The following RCAN2 variants were observed in gnomAD, a reference collection of about 807,000 sequenced individuals.
The protein encoded by RCAN2 is regulator of calcineurin 2, also known as calcipressin-2.
RCAN2 carries 9 observed loss-of-function variants against 23.6 expected under a neutral mutation model. The observed-to-expected ratio is 0.38, with a 90% CI of 0.23 to 0.67. The LOEUF (loss-of-function observed/expected upper bound fraction) is 0.67. RCAN2 is among the 30% of genes least tolerant of loss of function. The pLI is 0.51. For missense variants in RCAN2, 273 were observed against 302.3 expected (o/e 0.90, Z 0.72); for synonymous variants, 109 against 115.7 (o/e 0.94, Z 0.37).
intron 2 of RCAN2, among the ~76,000 whole-genome samples, chr6:46,410,052 CT>C (rs1766504767): frequency 6.6e-6 from 1 of 152,140 alleles, no homozygotes; most frequent in Non-Finnish European, 1.5e-5. Flanking sequence ...CACTCTTCTT[CT>C]CCTACCCTTG....
intron 2 of RCAN2, among the ~76,000 whole-genome samples, chr6:46,315,171 G>A (rs2150358851): frequency 6.6e-6 from 1 of 152,328 alleles, no homozygotes; most frequent in South Asian, 2.1e-4. Context: ...CTAGCAGCAT[G>A]TTTTAGGGTT....
chr6:46,394,552 G>T (rs1766033804), intron 2 of RCAN2, among the ~76,000 whole-genome samples: 1 of 152,074 alleles, frequency 6.6e-6, no homozygotes, highest in Admixed American at 6.6e-5. Flanking sequence ...CCTTGACCGA[G>T]ATATTGCTAT....
At chr6:46,364,279 T>A (rs1765101407) in intron 2 of RCAN2, among the ~76,000 whole-genome samples, 1 of 152,198 alleles carries the variant, frequency 6.6e-6, no homozygotes, top group Non-Finnish European at 1.5e-5. Flanking sequence ...ATTTTCAATT[T>A]ACATTCAAAA....
chr6:46,442,638 T>C (rs937272924), intron 2 of RCAN2, among the ~76,000 whole-genome samples: 1 of 152,206 alleles, frequency 6.6e-6, no homozygotes, highest in African/African-American at 2.4e-5. Flanking sequence ...TTTAATATCA[T>C]ACCAGAATAA....
At chr6:46,354,204 A>ACT (rs1491306096) in intron 2 of RCAN2, among the ~76,000 whole-genome samples, 52 of 55,340 alleles carry the variant, frequency 9.4e-4, no homozygotes, top group African/African-American at 3.6e-3. Context: ...GTGTTATTTT[A>ACT]CTGTGTGTGT....
chr6:46,267,635 T>A (rs1407538213), intron 2 of RCAN2, among the ~76,000 whole-genome samples: 1 of 152,138 alleles, frequency 6.6e-6, no homozygotes, highest in African/African-American at 2.4e-5. Context: ...AAATGAACCA[T>A]GATCATGCCA....
At chr6:46,260,288 T>C (rs1483425281) in intron 2 of RCAN2, among the ~76,000 whole-genome samples, 1 of 152,146 alleles carries the variant, frequency 6.6e-6, no homozygotes, top group Admixed American at 6.5e-5. Flanking sequence ...ATATATTTCT[T>C]ATTATATTCA....
intron 2 of RCAN2, among the ~76,000 whole-genome samples, chr6:46,368,356 C>T (rs1765231041): frequency 1.3e-5 from 2 of 152,176 alleles, no homozygotes; most frequent in Admixed American, 1.3e-4. Flanking sequence ...ACTCTGGATG[C>T]TGAGCTTTCA....
chr6:46,416,607 C>G (rs1766720754), intron 2 of RCAN2, among the ~76,000 whole-genome samples: 1 of 151,724 alleles, frequency 6.6e-6, no homozygotes, highest in Non-Finnish European at 1.5e-5. Context: ...CTCAACCTCC[C>G]AGGCTCAAGC....
chr6:46,332,065 T>A (rs1763992281), intron 2 of RCAN2, among the ~76,000 whole-genome samples: 1 of 152,244 alleles, frequency 6.6e-6, no homozygotes, highest in African/African-American at 2.4e-5. Context: ...TACAGTCATT[T>A]AGAATAGCAC....
At position 46,221,069 on chromosome 6, in the gene RCAN2, TTAC is replaced by T. The variant is rs113259654; in HGVS notation, c.*2069_*2071del. On this transcript the variant is annotated 3_prime_UTR_variant, in exon 5 of 5. Coordinates refer to ENST00000371374, the MANE Select transcript of RCAN2 (RefSeq NM_001251974.2). ...TAACATTGACACAGAGCAATAAGTT[TTAC>T]TAAGACTAACTCCAGAGGCCATACA... 546 of 152,708 alleles carry T rather than the reference TTAC, an allele frequency of 3.6e-3. 1 individual carries two copies. The highest frequency in any genetic ancestry group is 0.012 in the African/African-American group (513 of 41,578). The allele number at this position is 152,708 out of a possible 1,614,324, so 9.5% of individuals were successfully genotyped here.
At chr6:46,280,882 GGT>G (rs150448313) in intron 2 of RCAN2, among the ~76,000 whole-genome samples, 1 of 151,856 alleles carries the variant, frequency 6.6e-6, no homozygotes, top group Non-Finnish European at 1.5e-5. Flanking sequence ...TGTGTGTAGG[GGT>G]GTGTGTGTGT....
intron 2 of RCAN2, among the ~76,000 whole-genome samples, chr6:46,333,611 T>C (rs1306725790): frequency 6.6e-6 from 1 of 152,200 alleles, no homozygotes; most frequent in African/African-American, 2.4e-5. Flanking sequence ...GGAATTGTAC[T>C]ATTTTTCTTC....
intron 4 of RCAN2, among the ~76,000 whole-genome samples, chr6:46,243,818 A>AAAC (rs1766405153): frequency 6.7e-6 from 1 of 150,352 alleles, no homozygotes; most frequent in African/African-American, 2.4e-5. Flanking sequence ...TCAAAAAAAA[A>AAAC]AAAAAAAAAA....
Position 46,223,319 on chromosome 6 carries a change from T to C in RCAN2, c.572-18A>G, listed in dbSNP as rs946914826. 2 of 1,608,914 alleles carry C rather than the reference T, an allele frequency of 1.2e-6. No individual in the cohort carries two copies. Among genetic ancestry groups the C allele is most frequent in the Non-Finnish European group, 1.7e-6 (2 of 1,176,894 alleles). ...CTTCTCTCCTGAAAAGCAAGAAAAA[T>C]GGAAGTGAGAAAGAGGGGGGGATTT... On this transcript the variant is annotated intron_variant, in intron 4 of 4. Transcript: ENST00000371374.
At chr6:46,254,148 C>T (rs2150321741) in intron 2 of RCAN2, among the ~76,000 whole-genome samples, 1 of 152,266 alleles carries the variant, frequency 6.6e-6, no homozygotes, top group South Asian at 2.1e-4. Flanking sequence ...GTATAAATGT[C>T]AACACAATTT....
intron 2 of RCAN2, among the ~76,000 whole-genome samples, chr6:46,431,502 C>T: frequency 6.6e-6 from 1 of 152,174 alleles, no homozygotes; most frequent in Non-Finnish European, 1.5e-5. Flanking sequence ...TTTTGGTCAG[C>T]ACTCAACAAC....
intron 2 of RCAN2, among the ~76,000 whole-genome samples, chr6:46,295,624 C>G (rs964927902): frequency 3.9e-5 from 6 of 152,056 alleles, no homozygotes; most frequent in African/African-American, 1.4e-4. Context: ...AAAGGCAGGA[C>G]TGCAGGGAAG....
intron 2 of RCAN2, among the ~76,000 whole-genome samples, chr6:46,328,744 G>A (rs1763870584): frequency 6.6e-6 from 1 of 152,200 alleles, no homozygotes; most frequent in African/African-American, 2.4e-5. Context: ...CCTAGTAGCT[G>A]GGACTACAGG....
Sources: gnomAD v4.1 joint callset for allele counts (sites outside exome capture counted in the v4.1 genomes callset) on GRCh38, gnomAD v4.1.1 for gene constraint, MANE v1.5 for transcripts, NCBI Gene and HGNC (gene_info 2026-07-23, HGNC 2026-07-21) for gene names.